Variants in SAMD4A observed in about 807,000 individuals in gnomAD.
SAMD4A encodes the protein protein Smaug homolog 1.
A neutral mutation model predicts 81.3 loss-of-function variants in SAMD4A; 33 were observed. The ratio of observed to expected loss-of-function variants is 0.41; its 90% CI spans 0.31 to 0.54. The LOEUF is 0.54. SAMD4A is among the 20% of genes least tolerant of loss of function. The probability of loss-of-function intolerance (pLI) is 0.37; values close to 1 mark genes in which losing one functional copy is unlikely to be tolerated. For missense variants in SAMD4A, 854 were observed against 951.1 expected (o/e 0.90, Z 1.34); for synonymous variants, 389 against 382.1 (o/e 1.02, Z -0.21).
chr14:54,741,431 T>C (rs990043892), intron 4 of SAMD4A, among the ~76,000 whole-genome samples: 24 of 152,196 alleles, frequency 1.6e-4, no homozygotes, highest in Middle Eastern at 3.2e-3. Flanking sequence ...GGCTGCATTA[T>C]ATGGGAGGAA....
chr14:54,740,441 G>A (rs180973581), intron 4 of SAMD4A, among the ~76,000 whole-genome samples: 3 of 152,290 alleles, frequency 2.0e-5, no homozygotes, highest in African/African-American at 4.8e-5. Context: ...AAATCCATAT[G>A]GAATGTGTCT....
intron 2 of SAMD4A, among the ~76,000 whole-genome samples, chr14:54,663,799 C>T (rs1373541377): frequency 1.3e-5 from 2 of 152,196 alleles, no homozygotes; most frequent in Admixed American, 6.6e-5. Flanking sequence ...CATGTTCTCT[C>T]TCTTCCCTGT....
At chr14:54,578,656 A>G (rs779244949) in intron 2 of SAMD4A, among the ~76,000 whole-genome samples, 1 of 152,066 alleles carries the variant, frequency 6.6e-6, no homozygotes, top group Admixed American at 6.6e-5. Context: ...AGGTTGCAGT[A>G]AGCCGAGATC....
At chr14:54,783,689 T>C (rs1049846456) in intron 11 of SAMD4A, among the ~76,000 whole-genome samples, 3 of 152,190 alleles carry the variant, frequency 2.0e-5, no homozygotes, top group Non-Finnish European at 4.4e-5. Flanking sequence ...TTGTCCCAGC[T>C]TTGTGTTAGT....
At chr14:54,720,272 G>A (rs2037227660) in intron 3 of SAMD4A, among the ~76,000 whole-genome samples, 2 of 152,082 alleles carry the variant, frequency 1.3e-5, no homozygotes. Flanking sequence ...TATCACATTT[G>A]ATTTTTGGAG....
intron 10 of SAMD4A, 89 bp from the exon 11 acceptor site, chr14:54,776,325 A>ATCTT: frequency 7.1e-7 from 1 of 1,399,954 alleles, no homozygotes; most frequent in South Asian, 1.4e-5. Context: ...TTCTCCTGGG[A>ATCTT]TCTTTGCCTC....
At position 54,576,001 on chromosome 14, in the gene SAMD4A, C is replaced by CTTTTTTTTTTT. The variant is rs57819180; in HGVS notation, c.196+7916_196+7926dup. 4.8e-4 allele frequency among the ~76,000 whole-genome samples: 38 copies of CTTTTTTTTTTT among 79,992 alleles called. 5 individuals carry two copies. The East Asian group carries it at 6.0e-3, about 13-fold the overall frequency. 52.5% of individuals were successfully genotyped at this position (79,992 alleles called of 152,430 possible). ...CCAGGAAAGATTTCTTTCTTTCTTT[C>CTTTTTTTTTTT]TTTTTTTTTTTTTTTTTTTTTTTTT... On this transcript the variant is annotated intron_variant, in intron 2 of 12. Coordinates refer to ENST00000554335, the MANE Select transcript of SAMD4A (RefSeq NM_015589.6).
chr14:54,621,400 A>AGTGC (rs58326699), intron 2 of SAMD4A, among the ~76,000 whole-genome samples: 7,280 of 152,100 alleles, frequency 0.048, 577 homozygotes, highest in African/African-American at 0.17. Flanking sequence ...CCCAGGCTGG[A>AGTGC]GTGCAGTGGC....
intron 2 of SAMD4A, among the ~76,000 whole-genome samples, chr14:54,573,756 C>G (rs182699356): frequency 6.6e-6 from 1 of 152,168 alleles, no homozygotes; most frequent in South Asian, 2.1e-4. Context: ...ATTGAAGCTG[C>G]CTGAGGCAGG....
rs2032977448 is a variant in SAMD4A, at chr14:54,567,588, A to G, written c.-329A>G. 2 of 313,266 alleles carry G rather than the reference A, an allele frequency of 6.4e-6. No homozygotes were observed. Among genetic ancestry groups the G allele is most frequent in the South Asian group, 6.9e-5 (2 of 28,890 alleles). The allele number at this position is 313,266 out of a possible 1,614,324, so 19.4% of individuals were successfully genotyped here. A position where few individuals can be genotyped will look rare whatever the true frequency, so the allele number is the denominator to read the frequency against. On this transcript the variant is annotated 5_prime_UTR_variant, in exon 2 of 13. Coordinates refer to ENST00000554335, the MANE Select transcript of SAMD4A (RefSeq NM_015589.6). ...AGGACGCCGGAAATCACCATCCCAA[A>G]GCTGCAAGAAGGGGGGAGAAAGCAT...
At position 54,776,454 on chromosome 14, in the gene SAMD4A, C is replaced by T; in HGVS notation, c.1958C>T (p.Pro653Leu). Residue 653 changes from proline to leucine, a missense_variant, in exon 11 of 13, where the codon CCA becomes CTA. Physicochemically the swap from Pro to Leu is moderately conservative, Grantham distance 98. Around this residue, in one of 3 missense-constraint regions of SAMD4A, gnomAD observed 428 missense variants for 471.2 expected, o/e 0.91. Transcript: ENST00000554335. ...FANPGGSNSMPSRTHSSVQRT... is the reference protein window; with the variant it reads ...FANPGGSNSMLSRTHSSVQRT... ...AACCCCGGGGGCAGCAATAGCATGC[C>T]AAGCCGCACCCACAGCTCAGTCCAG... The T allele has an allele frequency of 6.3e-7, 1 of 1,594,812 alleles. No homozygotes were observed. Among genetic ancestry groups the T allele is most frequent in the South Asian group, 1.1e-5 (1 of 88,022 alleles).
At chr14:54,625,307 C>G (rs2034718667) in intron 2 of SAMD4A, among the ~76,000 whole-genome samples, 1 of 152,168 alleles carries the variant, frequency 6.6e-6, no homozygotes, top group African/African-American at 2.4e-5. Context: ...ATCGAAAGCT[C>G]TCTGACTTGC....
intron 7 of SAMD4A, among the ~76,000 whole-genome samples, chr14:54,762,142 C>G (rs1272988685): frequency 6.6e-6 from 1 of 152,176 alleles, no homozygotes; most frequent in Non-Finnish European, 1.5e-5. Flanking sequence ...TAAGAGCGCC[C>G]CTTTCTACCT....
rs150682880 is a variant in SAMD4A at position 54,654,310 on chromosome 14, C to T, written c.197-47752C>T. Among the ~76,000 whole-genome samples, 245 of 152,250 alleles carry T rather than the reference C, an allele frequency of 1.6e-3. 3 individuals carry two copies. The East Asian group carries it at 0.027, about 17-fold the overall frequency. On this transcript the variant is annotated intron_variant, in intron 2 of 12. Transcript: ENST00000554335. ...TCCTACTGGTAGTAGCCACTGGGGA[C>T]TGAGGGAGTCACGGGAGGTCAGATG...
At chr14:54,711,535 A>T (rs2036989256) in intron 3 of SAMD4A, among the ~76,000 whole-genome samples, 2 of 152,158 alleles carry the variant, frequency 1.3e-5, no homozygotes, top group South Asian at 4.1e-4. Flanking sequence ...AAGCTGGGTG[A>T]TGGGTACATG....
At chr14:54,731,838 TAGG>T (rs892275496) in intron 3 of SAMD4A, among the ~76,000 whole-genome samples, 21 of 152,162 alleles carry the variant, frequency 1.4e-4, no homozygotes, top group African/African-American at 5.1e-4. Context: ...AGAATGATAT[TAGG>T]AGTGTAGGAA....
intron 6 of SAMD4A, among the ~76,000 whole-genome samples, chr14:54,755,241 G>A (rs1257662634): frequency 1.3e-5 from 2 of 152,190 alleles, no homozygotes; most frequent in African/African-American, 4.8e-5. Context: ...TTTGGGGACA[G>A]AAAAGATAGG....
chr14:54,668,577 G>T (rs1015354174), intron 2 of SAMD4A, among the ~76,000 whole-genome samples: 38 of 152,118 alleles, frequency 2.5e-4, no homozygotes, highest in African/African-American at 8.9e-4. Flanking sequence ...CCTTACTTGG[G>T]CAAAGACTAC....
chr14:54,711,789 G>A (rs1302574643), intron 3 of SAMD4A, among the ~76,000 whole-genome samples: 1 of 151,950 alleles, frequency 6.6e-6, no homozygotes, highest in Non-Finnish European at 1.5e-5. Flanking sequence ...ACTTCTGCAA[G>A]CAAAGTGGAG....
Sources: allele counts gnomAD v4.1 joint callset (sites outside exome capture counted in the v4.1 genomes callset), GRCh38; gene constraint gnomAD v4.1.1; regional missense constraint gnomAD v4.1.1; transcripts MANE v1.5; gene names NCBI Gene and HGNC (gene_info 2026-07-23, HGNC 2026-07-21).